GPR158: variants seen among roughly 807,000 people sequenced by gnomAD.
GPR158 encodes metabotropic glycine receptor.
In GPR158, 30 loss-of-function variants were observed where a neutral mutation model predicts 78.2. The ratio of observed to expected loss-of-function variants is 0.38; its 90% CI spans 0.29 to 0.52. The LOEUF (loss-of-function observed/expected upper bound fraction) is 0.52, where lower values mean the gene tolerates loss of function less well. Among genes scored for constraint, GPR158 ranks in the 20% least tolerant of loss-of-function variants. The pLI is 0.83. For synonymous variants in GPR158, 581 were observed against 591.1 expected (o/e 0.98, Z 0.25); for missense variants, 1,463 against 1,523.5 (o/e 0.96, Z 0.66).
chr10:25,366,171 G>C (rs572726637), intron 2 of GPR158, among the ~76,000 whole-genome samples: 3 of 151,214 alleles, frequency 2.0e-5, no homozygotes, highest in African/African-American at 7.3e-5. Context: ...TTGGTAATTT[G>C]GGACTGTTAC....
At chr10:25,555,616 C>A (rs1210957841) in intron 6 of GPR158, among the ~76,000 whole-genome samples, 1 of 151,802 alleles carries the variant, frequency 6.6e-6, no homozygotes, top group East Asian at 1.9e-4. Context: ...GCAGAGTGAG[C>A]AAATGTTTGA....
intron 7 of GPR158, among the ~76,000 whole-genome samples, chr10:25,574,427 A>G (rs897085391): frequency 6.6e-6 from 1 of 152,198 alleles, no homozygotes; most frequent in Non-Finnish European, 1.5e-5. Context: ...ATTAAAAGTT[A>G]TTAAAAAGCA....
At chr10:25,312,083 T>A (rs1271341813) in intron 2 of GPR158, among the ~76,000 whole-genome samples, 2 of 152,066 alleles carry the variant, frequency 1.3e-5, no homozygotes, top group Non-Finnish European at 2.9e-5. Context: ...AGGATTTTTT[T>A]GTAATGTTTT....
chr10:25,596,025 G>A (rs1271985230), intron 9 of GPR158, among the ~76,000 whole-genome samples: 1 of 152,038 alleles, frequency 6.6e-6, no homozygotes, highest in Non-Finnish European at 1.5e-5. Context: ...ATCTGGGGAA[G>A]GGGAAACAGA....
At chr10:25,470,517 G>A (rs1835485452) in intron 5 of GPR158, among the ~76,000 whole-genome samples, 1 of 152,124 alleles carries the variant, frequency 6.6e-6, no homozygotes, top group African/African-American at 2.4e-5. Context: ...CCAGTCTCAG[G>A]TATTTTGTTG....
chr10:25,515,979 C>T (rs951922997), intron 5 of GPR158, among the ~76,000 whole-genome samples: 3 of 150,704 alleles, frequency 2.0e-5, no homozygotes, highest in African/African-American at 7.3e-5. Context: ...AGTTTACAGT[C>T]CCACCAACAG....
chr10:25,558,349 C>G (rs771914230), intron 6 of GPR158, among the ~76,000 whole-genome samples: 10 of 152,218 alleles, frequency 6.6e-5, no homozygotes, highest in Non-Finnish European at 1.3e-4. Context: ...GTTAGCAACT[C>G]TCTGTTCAAA....
At chr10:25,597,040 A>G (rs1420706438) in intron 10 of GPR158, among the ~76,000 whole-genome samples, 3 of 152,206 alleles carry the variant, frequency 2.0e-5, no homozygotes, top group Non-Finnish European at 2.9e-5. Flanking sequence ...AACCTGGTCA[A>G]CCTCAGTAGT....
At chr10:25,474,817 T>C (rs1195267784) in intron 5 of GPR158, among the ~76,000 whole-genome samples, 3 of 152,130 alleles carry the variant, frequency 2.0e-5, no homozygotes, top group East Asian at 1.9e-4. Flanking sequence ...TACTGTCCTG[T>C]TGAAGCACCC....
intron 5 of GPR158, among the ~76,000 whole-genome samples, chr10:25,548,328 G>C (rs1006790344): frequency 9.9e-5 from 15 of 152,104 alleles, no homozygotes; most frequent in Admixed American, 6.6e-4. Flanking sequence ...TTCAAAAGAA[G>C]GGGTGGCTGG....
At chr10:25,253,203 GC>G (rs1442421776) in intron 2 of GPR158, among the ~76,000 whole-genome samples, 51 of 152,292 alleles carry the variant, frequency 3.3e-4, no homozygotes, top group Non-Finnish European at 6.9e-4. Context: ...ACTGGCCTGC[GC>G]CCACTGTCTG....
At chr10:25,256,188 T>C (rs956360710) in intron 2 of GPR158, among the ~76,000 whole-genome samples, 1 of 151,938 alleles carries the variant, frequency 6.6e-6, no homozygotes, top group Admixed American at 6.6e-5. Context: ...AAAAAAAACC[T>C]TTATGCTTAG....
At chr10:25,527,256 C>T (rs988923738) in intron 5 of GPR158, among the ~76,000 whole-genome samples, 1 of 151,994 alleles carries the variant, frequency 6.6e-6, no homozygotes, top group African/African-American at 2.4e-5. Context: ...GTGGTATAGA[C>T]TTAAAAAGAT....
At chr10:25,223,324 G>A (rs1853326147) in intron 2 of GPR158, among the ~76,000 whole-genome samples, 2 of 152,148 alleles carry the variant, frequency 1.3e-5, no homozygotes, top group African/African-American at 4.8e-5. Flanking sequence ...CATTGCCCAG[G>A]TACTGGAGTT....
rs750392418 is a variant in GPR158, at chr10:25,259,048, A to G, written c.1008+37891A>G. On this transcript the variant is annotated intron_variant, in intron 2 of 10. Transcript: ENST00000376351. ...TTTTTGATGATCCATTACCTTTATGACGATCCACTTCCACCTGTCATCTTC... is the reference window on the plus strand; with the variant it reads ...TTTTTGATGATCCATTACCTTTATGGCGATCCACTTCCACCTGTCATCTTC... Among the ~76,000 whole-genome samples the G allele has an allele frequency of 6.2e-4, 95 of 152,274 alleles. 1 individual carries two copies. The Middle Eastern group carries it at 0.02, about 33-fold the overall frequency.
intron 10 of GPR158, 69 bp downstream of exon 10, chr10:25,596,858 G>T: frequency 7.4e-7 from 1 of 1,355,710 alleles, no homozygotes; most frequent in Non-Finnish European, 1.0e-6. Context: ...GCGTGTGTGG[G>T]TTGGGGTGCG....
Position 25,598,683 on chromosome 10 carries a change from G to A in GPR158, c.3057G>A (p.Val1019=). Residue 1019 remains valine, a synonymous_variant, in exon 11 of 11, where the codon GTG becomes GTA. Coordinates refer to ENST00000376351, the MANE Select transcript of GPR158 (RefSeq NM_020752.3). ...TTTATGACCTGACCCCTGGTCCTGT[G>A]CCTTCAGAATCAAAAGTTCAAAAGC... The part of the protein sequence containing the change: ...WEVYDLTPGP[V]PSESKVQKHV... 2 of 1,613,872 alleles carry A rather than the reference G, an allele frequency of 1.2e-6. No homozygotes were observed. Among genetic ancestry groups the A allele is most frequent in the Non-Finnish European group, 1.7e-6 (2 of 1,179,946 alleles).
At chr10:25,457,696 T>C (rs1272315787) in intron 4 of GPR158, among the ~76,000 whole-genome samples, 4 of 152,146 alleles carry the variant, frequency 2.6e-5, no homozygotes, top group Admixed American at 2.0e-4. Context: ...TGATAACAAG[T>C]GTTTGGGTGC....
chr10:25,490,687 TATC>T (rs1396491900), intron 5 of GPR158, among the ~76,000 whole-genome samples: 1 of 139,786 alleles, frequency 7.2e-6, no homozygotes, highest in African/African-American at 2.7e-5. Context: ...TAATCCAGTC[TATC>T]ATTGTTGGAC....
Sources: allele counts gnomAD v4.1 joint callset (sites outside exome capture counted in the v4.1 genomes callset), GRCh38; gene constraint gnomAD v4.1.1; transcripts MANE v1.5; gene names NCBI Gene and HGNC (gene_info 2026-07-23, HGNC 2026-07-21).